Variants in ASTN1 observed in about 807,000 individuals in gnomAD.
ASTN1 encodes astrotactin 1.
Under a neutral mutation model 140.7 loss-of-function variants are expected in ASTN1, and 41 were observed. That is an observed-to-expected ratio of 0.29 (90% CI 0.23 to 0.38). ASTN1 has a LOEUF of 0.38. Ranked by LOEUF, ASTN1 falls within the 10% of genes least tolerant of loss-of-function variation. ASTN1 has a pLI of 1.00. For synonymous variants in ASTN1, 640 were observed against 652.2 expected (o/e 0.98, Z 0.29); for missense variants, 1,479 against 1,678.8 (o/e 0.88, Z 2.08).
At chr1:177,038,139 T>G (rs1676813352) in intron 2 of ASTN1, among the ~76,000 whole-genome samples, 1 of 152,340 alleles carries the variant, frequency 6.6e-6, no homozygotes, top group South Asian at 2.1e-4. Context: ...CTGACCTGTA[T>G]ATTCATCCTG....
At chr1:176,887,598 T>C (rs942219616) in intron 18 of ASTN1, among the ~76,000 whole-genome samples, 1 of 152,228 alleles carries the variant, frequency 6.6e-6, no homozygotes. Context: ...CATTTTTTTT[T>C]GTCTATTAAA....
chr1:176,958,273 T>C, intron 10 of ASTN1, 72 bp downstream of exon 10: 1 of 1,604,526 alleles, frequency 6.2e-7, no homozygotes, highest in Non-Finnish European at 8.5e-7. Context: ...CCCCAGCACC[T>C]AAAACCTACA....
At chr1:177,011,318 C>T (rs1224425044) in intron 8 of ASTN1, among the ~76,000 whole-genome samples, 3 of 152,116 alleles carry the variant, frequency 2.0e-5, no homozygotes, top group Non-Finnish European at 4.4e-5. Flanking sequence ...GACTTTCGCT[C>T]ACATCTTTAT....
intron 16 of ASTN1, among the ~76,000 whole-genome samples, chr1:176,900,312 C>A (rs569483819): frequency 6.6e-6 from 1 of 152,310 alleles, no homozygotes; most frequent in African/African-American, 2.4e-5. Flanking sequence ...TCAAACTCAA[C>A]ATGTCCCAAA....
Position 177,017,228 on chromosome 1 carries a change from G to A in ASTN1, c.1439-2353C>T, listed in dbSNP as rs140222769. On this transcript the variant is annotated intron_variant, in intron 7 of 22. Coordinates refer to ENST00000361833, the MANE Select transcript of ASTN1 (RefSeq NM_004319.3). Reference sequence around the variant, plus strand: ...CATTACAATGTGGGGACATACTGCCGACAACCAATAAAGCTTTCCTCCACA... The same window carrying A: ...CATTACAATGTGGGGACATACTGCCAACAACCAATAAAGCTTTCCTCCACA... 7.9e-4 allele frequency among the ~76,000 whole-genome samples: 120 copies of A among 152,246 alleles called. 1 individual carries two copies. Among genetic ancestry groups the A allele is most frequent in the African/African-American group, 2.7e-3 (113 of 41,546 alleles).
downstream of ASTN1, among the ~76,000 whole-genome samples, chr1:176,859,189 C>A (rs1434697623): frequency 6.6e-6 from 1 of 152,190 alleles, no homozygotes; most frequent in Non-Finnish European, 1.5e-5. Flanking sequence ...CCACTCCCTT[C>A]TCTGTCTTTC....
chr1:177,061,105 C>T lies in ASTN1; in HGVS notation c.444G>A (p.Glu148=). ...EEPQHESAEE[E]LRILHISVMG... ...TGACTGAGATGTGGAGGATCCTCAG[C>T]TCCTCTTCTGCCGACTCATGTTGGG... Residue 148 remains glutamate (E), a synonymous_variant, in exon 2 of 23, where the codon GAG becomes GAA. Coordinates refer to ENST00000361833, the MANE Select transcript of ASTN1 (RefSeq NM_004319.3). 6.2e-7 allele frequency: 1 copy of T among 1,609,356 alleles called. No individual in the cohort carries two copies. Among genetic ancestry groups the T allele is most frequent in the South Asian group, 1.1e-5 (1 of 90,020 alleles).
At chr1:176,928,734 G>A (rs965288991) in intron 16 of ASTN1, among the ~76,000 whole-genome samples, 4 of 152,206 alleles carry the variant, frequency 2.6e-5, no homozygotes, top group African/African-American at 9.7e-5. Flanking sequence ...ACACTTGGCA[G>A]GGTATTATTT....
chr1:176,970,247 C>T (rs536848750), intron 8 of ASTN1, among the ~76,000 whole-genome samples: 2 of 152,296 alleles, frequency 1.3e-5, no homozygotes, highest in South Asian at 2.1e-4. Flanking sequence ...CTTGATTTGA[C>T]TTGATGCTTG....
intron 5 of ASTN1, among the ~76,000 whole-genome samples, chr1:177,028,178 G>A (rs1300551594): frequency 6.6e-6 from 1 of 152,146 alleles, no homozygotes; most frequent in Non-Finnish European, 1.5e-5. Context: ...ATGCTGTCGA[G>A]AAACTAATTC....
intron 16 of ASTN1, among the ~76,000 whole-genome samples, chr1:176,920,965 A>C (rs928925357): frequency 2.0e-5 from 3 of 152,194 alleles, no homozygotes; most frequent in African/African-American, 7.2e-5. Flanking sequence ...AATAAAGACA[A>C]AGTTTATCTG....
chr1:176,944,872 A>G (rs1441249471), intron 13 of ASTN1, among the ~76,000 whole-genome samples: 2 of 152,140 alleles, frequency 1.3e-5, no homozygotes, highest in African/African-American at 4.8e-5. Context: ...TGGCAAACCA[A>G]TTCCCAGGCT....
intron 2 of ASTN1, among the ~76,000 whole-genome samples, chr1:177,047,651 G>C (rs1160050814): frequency 6.6e-6 from 1 of 152,042 alleles, no homozygotes; most frequent in East Asian, 1.9e-4. Context: ...AGGTGAGGGG[G>C]GTCTGCACTC....
At chr1:177,004,238 A>G (rs1379682168) in intron 8 of ASTN1, among the ~76,000 whole-genome samples, 1 of 152,114 alleles carries the variant, frequency 6.6e-6, no homozygotes, top group Admixed American at 6.6e-5. Context: ...CAAAAAAAAA[A>G]TACCTAGGAA....
rs1020010113 is a variant in ASTN1 at position 176,861,829 on chromosome 1, G to A, written c.*2455C>T. 5.1e-6 allele frequency: 5 copies of A among 985,238 alleles called. No homozygotes were observed. The African/African-American group carries it at 7.0e-5, about 14-fold the overall frequency. The allele number at this position is 985,238 out of a possible 1,614,324, so 61.0% of individuals were successfully genotyped here. On this transcript the variant is annotated 3_prime_UTR_variant, in exon 23 of 23. Transcript: ENST00000361833. ...AAAAGACAAAGATAAAGAAGGTAGA[G>A]GAACTTGGGAGACTGAGGGAAAGAT...
intron 1 of ASTN1, among the ~76,000 whole-genome samples, chr1:177,128,349 C>T (rs894494300): frequency 2.0e-5 from 3 of 152,036 alleles, no homozygotes; most frequent in African/African-American, 7.2e-5. Context: ...GTTCAAAGAC[C>T]CAAATTGCAT....
intron 9 of ASTN1, 52 bp downstream of exon 9, chr1:176,965,111 G>A (rs377512698): frequency 7.8e-6 from 12 of 1,545,632 alleles, no homozygotes; most frequent in Middle Eastern, 1.7e-4. Context: ...CGGGGGAAGC[G>A]GAACACAGGG....
chr1:177,088,908 A>G lies in ASTN1; in HGVS notation c.284-27643T>C, dbSNP rs190607275. Among the ~76,000 whole-genome samples the G allele has an allele frequency of 2.5e-3, 378 of 152,236 alleles. 2 individuals are homozygous for G. Among genetic ancestry groups the G allele is most frequent in the Non-Finnish European group, 4.5e-3 (305 of 68,012 alleles). ...TAAAACAGGGTATTAAAAATACCAA[A>G]ATGCTTTCCTTAAGGTTAATAACAG... On this transcript the variant is annotated intron_variant, in intron 1 of 22. Coordinates refer to ENST00000361833, the MANE Select transcript of ASTN1 (RefSeq NM_004319.3).
intron 1 of ASTN1, among the ~76,000 whole-genome samples, chr1:177,138,050 C>T (rs1180488516): frequency 6.6e-6 from 1 of 152,078 alleles, no homozygotes. Context: ...ACTGACTTTT[C>T]CACCCACCCC....
Sources: allele counts gnomAD v4.1 joint callset (sites outside exome capture counted in the v4.1 genomes callset), GRCh38; gene constraint gnomAD v4.1.1; transcripts MANE v1.5; gene names NCBI Gene and HGNC (gene_info 2026-07-23, HGNC 2026-07-21).